ARL11: variants seen among roughly 807,000 people sequenced by gnomAD.
The protein encoded by ARL11 is ARF like GTPase 11, also known as ADP-ribosylation factor-like protein 11.
For missense variants in ARL11, 239 were observed against 250.6 expected, an observed-to-expected ratio of 0.95 and a Z score of 0.31; for synonymous variants, 91 against 111.2, an observed-to-expected ratio of 0.82 and a Z score of 1.15.
Position 49,633,566 on chromosome 13 carries a change from T to C in ARL11, c.*2528T>C, listed in dbSNP as rs1383343786. 6.0e-6 allele frequency: 1 copy of C among 167,028 alleles called. No homozygotes were observed. The highest frequency in any genetic ancestry group is 6.5e-5 in the Admixed American group (1 of 15,270). 10.3% of individuals were successfully genotyped at this position (167,028 alleles called of 1,614,324 possible). A position where few individuals can be genotyped will look rare whatever the true frequency, so the allele number is the denominator to read the frequency against. On this transcript the variant is annotated 3_prime_UTR_variant, in exon 2 of 2. Coordinates refer to ENST00000282026, the MANE Select transcript of ARL11 (RefSeq NM_138450.6). ...GGAGCTGGGAAGGCAGGAAACCGGC[T>C]AGATGACCATCACACAGCAAAGGAG...
chr13:49,630,412 C>G lies in ARL11; in HGVS notation c.-18-18C>G. 6.5e-7 allele frequency: 1 copy of G among 1,533,714 alleles called. No homozygotes were observed. The highest frequency in any genetic ancestry group is 1.2e-5 in the South Asian group (1 of 84,758). On this transcript the variant is annotated intron_variant, in intron 1 of 1. Transcript: ENST00000282026. Reference sequence around the variant, plus strand: ...CAGAAGACAGTAGCTGATGTGTGCCCTGGCCTTTCTCCCCTAGGATTCAGC... The same window carrying G: ...CAGAAGACAGTAGCTGATGTGTGCCGTGGCCTTTCTCCCCTAGGATTCAGC...
chr13:49,631,970 G>A lies in ARL11; in HGVS notation c.*932G>A, dbSNP rs1282784375. On this transcript the variant is annotated 3_prime_UTR_variant, in exon 2 of 2. Transcript: ENST00000282026. ...CACTCAGAAGGGCAAGCTAGGCAGGGCCCATACAACAGCAGGGGTCTGCAG... is the reference window on the plus strand; with the variant it reads ...CACTCAGAAGGGCAAGCTAGGCAGGACCCATACAACAGCAGGGGTCTGCAG... 2 of 167,060 alleles carry A rather than the reference G, an allele frequency of 1.2e-5. No homozygotes were observed. The highest frequency in any genetic ancestry group is 3.8e-4 in the East Asian group (2 of 5,198). 10.3% of individuals were successfully genotyped at this position (167,060 alleles called of 1,614,324 possible). A position where few individuals can be genotyped will look rare whatever the true frequency, so the allele number is the denominator to read the frequency against.
rs554616583 is a variant in ARL11, at chr13:49,631,893, G to A, written c.*855G>A. ...TCATCTGGACATGTCACAATGGATC[G>A]CGGATCCTTATGAGTGATTTTCCCC... On this transcript the variant is annotated 3_prime_UTR_variant, in exon 2 of 2. Coordinates refer to ENST00000282026, the MANE Select transcript of ARL11 (RefSeq NM_138450.6). The A allele has an allele frequency of 1.8e-4, 30 of 166,850 alleles. No homozygotes were observed. Among genetic ancestry groups the A allele is most frequent in the Non-Finnish European group, 3.8e-4 (26 of 68,070 alleles). 10.3% of individuals were successfully genotyped at this position (166,850 alleles called of 1,614,324 possible).
Position 49,630,525 on chromosome 13 carries a change from C to A in ARL11, c.78C>A (p.Thr26=), listed in dbSNP as rs1226596081. ...VMMGLDSAGK[T]TLLYKLKGHQ... The stretch of plus-strand genomic sequence containing the variant: ...TGGGCCTGGACTCGGCGGGCAAGAC[C>A]ACGCTCCTTTACAAGCTGAAGGGCC... The change falls in exon 2 of 2, where the codon ACC becomes ACA. Residue 26 remains threonine, a synonymous_variant. Coordinates refer to ENST00000282026, the MANE Select transcript of ARL11 (RefSeq NM_138450.6). The A allele has an allele frequency of 6.2e-7, 1 of 1,613,976 alleles. No individual in the cohort carries two copies. Among genetic ancestry groups the A allele is most frequent in the Non-Finnish European group, 8.5e-7 (1 of 1,180,018 alleles).
chr13:49,630,286 T>C (rs147887612), intron 1 of ARL11, 144 bp from the exon 2 acceptor site: 2 of 621,650 alleles, frequency 3.2e-6, no homozygotes, highest in Non-Finnish European at 5.7e-6. Context: ...TGCCTCGGCT[T>C]GTTTGAAACT....
rs1384298950 is a variant in ARL11, at chr13:49,632,503, C to CTT, written c.*1469_*1470dup. On this transcript the variant is annotated 3_prime_UTR_variant, in exon 2 of 2. Coordinates refer to ENST00000282026, the MANE Select transcript of ARL11 (RefSeq NM_138450.6). ...TTTTTCCGGGGAAGGAGATCCAGAA[C>CTT]TTTTTACCAGATTTTCAAAGACATC... 1 of 167,024 alleles carries CTT rather than the reference C, an allele frequency of 6.0e-6. No individual in the cohort carries two copies. Among genetic ancestry groups the CTT allele is most frequent in the African/African-American group, 2.4e-5 (1 of 41,442 alleles). The allele number at this position is 167,024 out of a possible 1,614,324, so 10.3% of individuals were successfully genotyped here.
In ARL11 at chr13:49,630,590, T is replaced by A. The variant is rs1566301710; in HGVS notation, c.143T>A (p.Val48Glu). Reference sequence around the variant, plus strand: ...ACCCTGCCCACTGTTGGTTTCAACGTGGAGCCTCTGAAAGCTCCTGGGCAC... The same window carrying A: ...ACCCTGCCCACTGTTGGTTTCAACGAGGAGCCTCTGAAAGCTCCTGGGCAC... ...VETLPTVGFN[V>E]EPLKAPGHVS... The change falls in exon 2 of 2, where the codon GTG becomes GAG. Residue 48 changes from valine to glutamate, a missense_variant. Val to Glu is a moderately radical substitution (Grantham distance 121). Coordinates refer to ENST00000282026, the MANE Select transcript of ARL11 (RefSeq NM_138450.6). 6.2e-7 allele frequency: 1 copy of A among 1,614,128 alleles called. No individual in the cohort carries two copies. Among genetic ancestry groups the A allele is most frequent in the Non-Finnish European group, 8.5e-7 (1 of 1,180,008 alleles).
intron 1 of ARL11, chr13:49,630,175 A>G (rs1046629279): frequency 2.7e-5 from 10 of 368,282 alleles, no homozygotes; most frequent in Non-Finnish European, 1.0e-5. Context: ...CCCTGTGAAG[A>G]CTTTTCCTGT....
chr13:49,630,919 A>G lies in ARL11; in HGVS notation c.472A>G (p.Thr158Ala). ...GGAGCTCCGGGGCTGCAGTGCCCTC[A>G]CTGGGGAGGGGCTGCCCGAGGCCCT... ...CWELRGCSALTGEGLPEALQS... is the reference protein window; with the variant it reads ...CWELRGCSALAGEGLPEALQS... Residue 158 changes from threonine to alanine, a missense_variant, in exon 2 of 2, where the codon ACT (threonine) becomes GCT (alanine). Coordinates refer to ENST00000282026, the MANE Select transcript of ARL11 (RefSeq NM_138450.6). The G allele has an allele frequency of 1.3e-6, 2 of 1,599,420 alleles. No homozygotes were observed. The highest frequency in any genetic ancestry group is 1.7e-6 in the Non-Finnish European group (2 of 1,170,630).
chr13:49,629,438 T>A (rs776638101), intron 1 of ARL11, among the ~76,000 whole-genome samples: 2 of 152,168 alleles, frequency 1.3e-5, no homozygotes, highest in East Asian at 1.9e-4. Context: ...AGGCACTGCA[T>A]GAAGACATTT....
rs769707452 is a variant in ARL11, at chr13:49,630,515, C to T, written c.68C>T (p.Ala23Val). ...AQVVMMGLDSAGKTTLLYKLK... is the reference protein window; with the variant it reads ...AQVVMMGLDSVGKTTLLYKLK... ...GTGGTGATGATGGGCCTGGACTCGGCGGGCAAGACCACGCTCCTTTACAAG... is the reference window on the plus strand; with the variant it reads ...GTGGTGATGATGGGCCTGGACTCGGTGGGCAAGACCACGCTCCTTTACAAG... Residue 23 changes from alanine (A) to valine (V), a missense_variant, in exon 2 of 2, where the codon GCG becomes GTG. Transcript: ENST00000282026. The T allele has an allele frequency of 9.3e-6, 15 of 1,613,778 alleles. No homozygotes were observed. The highest frequency in any genetic ancestry group is 2.2e-5 in the South Asian group (2 of 91,076).
intron 1 of ARL11, among the ~76,000 whole-genome samples, chr13:49,629,195 C>T (rs917650898): frequency 2.0e-5 from 3 of 151,794 alleles, no homozygotes; most frequent in Non-Finnish European, 4.4e-5. Flanking sequence ...CCTGGGAAGT[C>T]GAGGCTGCAG....
At position 49,633,615 on chromosome 13, in the gene ARL11, T is replaced by G. The variant is rs142617696; in HGVS notation, c.*2577T>G. On this transcript the variant is annotated 3_prime_UTR_variant, in exon 2 of 2. Coordinates refer to ENST00000282026, the MANE Select transcript of ARL11 (RefSeq NM_138450.6). Reference sequence around the variant, plus strand: ...AGGGAGTGGAAGAGAGATGAGAAAATTGAGAGCTATTATTAAGAAAAACAG... The same window carrying G: ...AGGGAGTGGAAGAGAGATGAGAAAAGTGAGAGCTATTATTAAGAAAAACAG... 6.0e-6 allele frequency: 1 copy of G among 166,490 alleles called. No individual in the cohort carries two copies. Among genetic ancestry groups the G allele is most frequent in the Non-Finnish European group, 1.5e-5 (1 of 68,010 alleles). The allele number at this position is 166,490 out of a possible 1,614,324, so 10.3% of individuals were successfully genotyped here.
chr13:49,630,993 G>A lies in ARL11; in HGVS notation c.546G>A (p.Gln182=). ...LLKSRSCMCL[Q]ARAHGAERGD... ...AATCTCGCAGCTGCATGTGTCTGCA[G>A]GCGAGAGCCCATGGGGCTGAGCGCG... The change falls in exon 2 of 2, where the codon CAG becomes CAA. Residue 182 remains glutamine, a synonymous_variant. Coordinates refer to ENST00000282026, the MANE Select transcript of ARL11 (RefSeq NM_138450.6). 2.5e-6 allele frequency: 4 copies of A among 1,607,202 alleles called. No individual in the cohort carries two copies. The highest frequency in any genetic ancestry group is 3.4e-6 in the Non-Finnish European group (4 of 1,176,828).
rs545976452 is a variant in ARL11 at position 49,632,787 on chromosome 13, G to C, written c.*1749G>C. 6.0e-6 allele frequency: 1 copy of C among 167,080 alleles called. No homozygotes were observed. Among genetic ancestry groups the C allele is most frequent in the Non-Finnish European group, 1.5e-5 (1 of 68,128 alleles). The allele number at this position is 167,080 out of a possible 1,614,324, so 10.3% of individuals were successfully genotyped here. A position where few individuals can be genotyped will look rare whatever the true frequency, so the allele number is the denominator to read the frequency against. On this transcript the variant is annotated 3_prime_UTR_variant, in exon 2 of 2. Transcript: ENST00000282026. ...TGCCAGGCCCCTCTTCTAACACCAG[G>C]TTAGGCATGCTTGGTTATTTCCAGT...
intron 1 of ARL11, among the ~76,000 whole-genome samples, chr13:49,628,919 C>T (rs755727614): frequency 3.3e-5 from 5 of 152,184 alleles, no homozygotes; most frequent in Admixed American, 6.5e-5. Context: ...GGTGAAACCT[C>T]GTCTCTAATA....
At position 49,631,332 on chromosome 13, in the gene ARL11, G is replaced by A. The variant is rs931993781; in HGVS notation, c.*294G>A. The A allele has an allele frequency of 3.2e-5, 8 of 251,196 alleles. No homozygotes were observed. The highest frequency in any genetic ancestry group is 6.6e-5 in the Non-Finnish European group (8 of 120,574). The allele number at this position is 251,196 out of a possible 1,614,324, so 15.6% of individuals were successfully genotyped here. A position where few individuals can be genotyped will look rare whatever the true frequency, so the allele number is the denominator to read the frequency against. On this transcript the variant is annotated 3_prime_UTR_variant, in exon 2 of 2. Coordinates refer to ENST00000282026, the MANE Select transcript of ARL11 (RefSeq NM_138450.6). ...AGGCAGGAGAATCGCTTGAGCCCAA[G>A]AGGTAGAGGTTGCAGTGAGCCAAGA...
At position 49,631,933 on chromosome 13, in the gene ARL11, A is replaced by T. The variant is rs939697152; in HGVS notation, c.*895A>T. On this transcript the variant is annotated 3_prime_UTR_variant, in exon 2 of 2. Transcript: ENST00000282026. The stretch of plus-strand genomic sequence containing the variant: ...TGATTTTCCCCAGTGGCCCCTGGGG[A>T]TGTGCCACTGTCACTCAGAAGGGCA... The T allele has an allele frequency of 1.2e-5, 2 of 166,970 alleles. No homozygotes were observed. Among genetic ancestry groups the T allele is most frequent in the African/African-American group, 4.8e-5 (2 of 41,396 alleles). 10.3% of individuals were successfully genotyped at this position (166,970 alleles called of 1,614,324 possible). A position where few individuals can be genotyped will look rare whatever the true frequency, so the allele number is the denominator to read the frequency against.
At position 49,630,564 on chromosome 13, in the gene ARL11, G is replaced by T. The variant is rs759972408; in HGVS notation, c.117G>T (p.Glu39Asp). Residue 39 changes from glutamate to aspartate, a missense_variant, in exon 2 of 2, where the codon GAG becomes GAT. By Grantham distance (45) the Glu-to-Asp change is conservative. Coordinates refer to ENST00000282026, the MANE Select transcript of ARL11 (RefSeq NM_138450.6). ...LYKLKGHQLV[E>D]TLPTVGFNVE... ...AGCTGAAGGGCCACCAGCTGGTGGA[G>T]ACCCTGCCCACTGTTGGTTTCAACG... is the stretch of plus-strand genomic sequence containing the variant. 11 of 1,613,956 alleles carry T rather than the reference G, an allele frequency of 6.8e-6. No homozygotes were observed. Among genetic ancestry groups the T allele is most frequent in the Middle Eastern group, 3.3e-4 (2 of 6,082 alleles).
Sources: gnomAD v4.1 joint callset for allele counts (sites outside exome capture counted in the v4.1 genomes callset) on GRCh38, gnomAD v4.1.1 for gene constraint, MANE v1.5 for transcripts, NCBI Gene and HGNC (gene_info 2026-07-23, HGNC 2026-07-21) for gene names.